The following CSMD3 variants were observed in gnomAD, a reference collection of about 807,000 sequenced individuals.
The protein encoded by CSMD3 is CUB and sushi domain-containing protein 3.
A neutral mutation model predicts 435.2 loss-of-function variants in CSMD3; 177 were observed. The observed-to-expected ratio is 0.41, with a 90% CI of 0.36 to 0.46. The LOEUF is 0.46. Ranked by LOEUF, CSMD3 falls within the 20% of genes least tolerant of loss-of-function variation. CSMD3 has a pLI of 0.34. For missense variants in CSMD3, 4,265 were observed against 4,504.6 expected (o/e 0.95, Z 1.52); for synonymous variants, 1,656 against 1,520.5 (o/e 1.09, Z -2.07).
intron 13 of CSMD3, among the ~76,000 whole-genome samples, chr8:112,753,287 A>G (rs1420153941): frequency 2.6e-5 from 4 of 152,222 alleles, no homozygotes; most frequent in Non-Finnish European, 5.9e-5. Flanking sequence ...GGAGATGAAA[A>G]GAGGACACAT....
chr8:112,544,536 TAAA>T (rs1826978966), intron 27 of CSMD3, among the ~76,000 whole-genome samples: 2 of 152,300 alleles, frequency 1.3e-5, no homozygotes, highest in South Asian at 2.1e-4. Context: ...TTTTCCCTCT[TAAA>T]AAAGTTTTAT....
chr8:112,639,073 T>G (rs139374679), intron 20 of CSMD3, among the ~76,000 whole-genome samples, 162 bp from the exon 21 acceptor site: 10,025 of 152,174 alleles, frequency 0.066, 458 homozygotes, highest in Non-Finnish European at 0.1. Context: ...ATTATTCTTT[T>G]TGTGTGTGTT....
intron 2 of CSMD3, among the ~76,000 whole-genome samples, chr8:113,287,390 T>C (rs999255824): frequency 6.6e-6 from 1 of 152,056 alleles, no homozygotes; most frequent in Non-Finnish European, 1.5e-5. Context: ...GTAATGGCTG[T>C]TCTGTTAAAA....
In CSMD3 at chr8:113,214,510, A is replaced by G. The variant is rs551252388; in HGVS notation, c.515-40594T>C. Among the ~76,000 whole-genome samples the G allele has an allele frequency of 3.3e-5, 5 of 152,104 alleles. No homozygotes were observed. In the East Asian group the frequency reaches 5.8e-4, roughly 18 times the overall value. On this transcript the variant is annotated intron_variant, in intron 3 of 70. Coordinates refer to ENST00000297405, the MANE Select transcript of CSMD3 (RefSeq NM_198123.2). ...TCTGGGTACAGTGTATAACAAGGAT[A>G]TATCTTCTGGTCTTTTGAGTTATCT...
At chr8:112,588,047 A>C (rs966672970) in intron 22 of CSMD3, among the ~76,000 whole-genome samples, 1 of 151,878 alleles carries the variant, frequency 6.6e-6, no homozygotes, top group Non-Finnish European at 1.5e-5. Flanking sequence ...GAAAACAATA[A>C]GTCCTTCAAA....
chr8:112,861,661 A>G (rs1478329718), intron 10 of CSMD3, among the ~76,000 whole-genome samples: 2 of 151,950 alleles, frequency 1.3e-5, no homozygotes, highest in African/African-American at 4.8e-5. Flanking sequence ...TTCATAGCAC[A>G]TTATTTGAAC....
At chr8:112,627,144 G>A (rs1417624715) in intron 22 of CSMD3, among the ~76,000 whole-genome samples, 1 of 152,044 alleles carries the variant, frequency 6.6e-6, no homozygotes, top group African/African-American at 2.4e-5. Flanking sequence ...TTTGTCTGAT[G>A]GCAAAGTTGA....
At chr8:113,328,156 G>A (rs1248375406) in intron 1 of CSMD3, among the ~76,000 whole-genome samples, 2 of 152,048 alleles carry the variant, frequency 1.3e-5, no homozygotes, top group Non-Finnish European at 2.9e-5. Flanking sequence ...ATGAAAGATG[G>A]GGCCGGGCGC....
intron 17 of CSMD3, among the ~76,000 whole-genome samples, chr8:112,660,803 T>C (rs1174071460): frequency 1.3e-5 from 2 of 152,200 alleles, no homozygotes; most frequent in Non-Finnish European, 2.9e-5. Flanking sequence ...CTTAAAGCAT[T>C]GTAACTCCTG....
chr8:112,636,345 C>G (rs1480361376), intron 22 of CSMD3, among the ~76,000 whole-genome samples: 2 of 152,026 alleles, frequency 1.3e-5, no homozygotes, highest in Admixed American at 1.3e-4. Flanking sequence ...TTGGCACTTT[C>G]TCTTGTAATC....
chr8:113,233,527 TA>T (rs1436534359), intron 3 of CSMD3, among the ~76,000 whole-genome samples: 2 of 150,880 alleles, frequency 1.3e-5, no homozygotes, highest in Non-Finnish European at 3.0e-5. Context: ...ATATTAATTA[TA>T]AAAATATTTA....
chr8:113,202,429 A>C (rs1453867332), intron 3 of CSMD3, among the ~76,000 whole-genome samples: 1 of 152,110 alleles, frequency 6.6e-6, no homozygotes, highest in African/African-American at 2.4e-5. Flanking sequence ...TTTACTTGCA[A>C]GTGAGAAGGA....
intron 13 of CSMD3, among the ~76,000 whole-genome samples, chr8:112,729,015 A>G (rs1412015128): frequency 6.6e-6 from 1 of 152,084 alleles, no homozygotes; most frequent in Non-Finnish European, 1.5e-5. Context: ...ATAATGCTTC[A>G]AAAACTGACA....
intron 24 of CSMD3, among the ~76,000 whole-genome samples, chr8:112,571,650 C>A (rs1043185221): frequency 1.3e-5 from 2 of 151,772 alleles, no homozygotes; most frequent in Non-Finnish European, 2.9e-5. Flanking sequence ...GGGAGGATCG[C>A]CTGAGGTCAG....
At chr8:112,945,166 C>T (rs1046041212) in intron 9 of CSMD3, among the ~76,000 whole-genome samples, 3 of 151,528 alleles carry the variant, frequency 2.0e-5, no homozygotes, top group African/African-American at 7.3e-5. Flanking sequence ...GAGCCTCATC[C>T]TTAATTCTTT....
chr8:113,088,897 A>T (rs1044542623), intron 5 of CSMD3, among the ~76,000 whole-genome samples: 1 of 152,120 alleles, frequency 6.6e-6, no homozygotes, highest in Non-Finnish European at 1.5e-5. Context: ...GTATACAAAC[A>T]ATTCCTCCAG....
At chr8:113,079,694 C>CTT (rs2089479787) in intron 5 of CSMD3, among the ~76,000 whole-genome samples, 1 of 152,126 alleles carries the variant, frequency 6.6e-6, no homozygotes, top group African/African-American at 2.4e-5. Flanking sequence ...AAACCTAAAT[C>CTT]TTTGACTGTT....
chr8:112,564,275 C>T (rs936896245), intron 24 of CSMD3, among the ~76,000 whole-genome samples: 12 of 150,818 alleles, frequency 8.0e-5, no homozygotes, highest in Non-Finnish European at 7.4e-5. Context: ...GTTTTCTTGG[C>T]CCTTTCCTTT....
intron 36 of CSMD3, 145 bp downstream of exon 36, chr8:112,390,519 T>C: frequency 4.2e-6 from 3 of 720,894 alleles, no homozygotes; most frequent in Non-Finnish European, 7.0e-6. Flanking sequence ...GTGAAAAAAA[T>C]TAATAACAAA....
Sources: allele counts gnomAD v4.1 joint callset (sites outside exome capture counted in the v4.1 genomes callset), GRCh38; gene constraint gnomAD v4.1.1; transcripts MANE v1.5; gene names NCBI Gene and HGNC (gene_info 2026-07-23, HGNC 2026-07-21).